TMEM131: variants seen among roughly 807,000 people sequenced by gnomAD.
TMEM131 encodes the protein 2610524E03Rik.
TMEM131 carries 66 observed loss-of-function variants against 211.6 expected under a neutral mutation model. That is an observed-to-expected ratio of 0.31 (90% CI 0.26 to 0.38). The LOEUF is 0.38. Ranked by LOEUF, TMEM131 falls within the 10% of genes least tolerant of loss-of-function variation. The probability of loss-of-function intolerance (pLI) is 1.00; values close to 1 mark genes in which losing one functional copy is unlikely to be tolerated. For missense variants in TMEM131, 2,036 were observed against 2,299.3 expected, an observed-to-expected ratio of 0.89 and a Z score of 2.34; for synonymous variants, 844 against 841.3, an observed-to-expected ratio of 1.00 and a Z score of -0.06.
At chr2:97,987,933 T>A in intron 1 of TMEM131, among the ~76,000 whole-genome samples, 1 of 152,018 alleles carries the variant, frequency 6.6e-6, no homozygotes, top group Non-Finnish European at 1.5e-5. Context: ...AATCCCAAAA[T>A]CCCAAGGCAA....
At chr2:97,984,805 G>A (rs560029960) in intron 1 of TMEM131, among the ~76,000 whole-genome samples, 36 of 151,940 alleles carry the variant, frequency 2.4e-4, no homozygotes, top group African/African-American at 8.7e-4. Flanking sequence ...AAGAGTTTTA[G>A]TTAAAAACAA....
chr2:97,766,356 C>A, intron 34 of TMEM131, 93 bp from the exon 35 acceptor site: 1 of 1,596,804 alleles, frequency 6.3e-7, no homozygotes, highest in South Asian at 1.1e-5. Flanking sequence ...GACAAGAACA[C>A]AGCCTTAGCC....
intron 31 of TMEM131, 136 bp from the exon 32 acceptor site, chr2:97,776,154 C>T (rs2104819269): frequency 5.0e-6 from 4 of 803,500 alleles, no homozygotes; most frequent in Middle Eastern, 7.7e-4. Context: ...CCCGGGTTCA[C>T]ACCATTCTCC....
rs1469186108 is a variant in TMEM131 at position 97,757,214 on chromosome 2, G to A, written c.5537C>T (p.Ser1846Phe). 1 of 1,614,052 alleles carries A rather than the reference G, an allele frequency of 6.2e-7. No individual in the cohort carries two copies. Among genetic ancestry groups the A allele is most frequent in the Admixed American group, 1.7e-5 (1 of 60,030 alleles). The change falls in exon 41 of 41, where the codon TCC becomes TTC. Residue 1846 changes from serine (S) to phenylalanine (F), a missense_variant. Transcript: ENST00000186436. ...NSPAPHAPST[S>F]SPADDLGQTY... Reference sequence around the variant, plus strand: ...CTGTCCCAAGTCGTCAGCTGGACTGGAGGTGGAGGGAGCGTGAGGAGCAGG... The same window carrying A: ...CTGTCCCAAGTCGTCAGCTGGACTGAAGGTGGAGGGAGCGTGAGGAGCAGG...
At chr2:97,990,373 G>C (rs1248730576) in intron 1 of TMEM131, among the ~76,000 whole-genome samples, 1 of 151,724 alleles carries the variant, frequency 6.6e-6, no homozygotes, top group Non-Finnish European at 1.5e-5. Flanking sequence ...TGCATGAACT[G>C]TCAAGTCTGT....
intron 8 of TMEM131, 63 bp downstream of exon 8, chr2:97,837,014 T>C (rs2105077514): frequency 7.5e-7 from 1 of 1,340,728 alleles, no homozygotes; most frequent in Non-Finnish European, 1.1e-6. Context: ...TTAAATATTT[T>C]CTAATTTAAG....
chr2:97,881,362 A>C (rs191608710), intron 4 of TMEM131, among the ~76,000 whole-genome samples: 74 of 151,718 alleles, frequency 4.9e-4, no homozygotes, highest in African/African-American at 1.5e-3. Flanking sequence ...GCACACCACC[A>C]TGCCCAGCTA....
chr2:97,981,376 T>C (rs182300104), intron 1 of TMEM131, among the ~76,000 whole-genome samples: 1 of 152,278 alleles, frequency 6.6e-6, no homozygotes, highest in East Asian at 1.9e-4. Flanking sequence ...AACCGTAACA[T>C]ATATGTAATT....
chr2:97,797,646 C>T (rs1680829618), intron 25 of TMEM131, 130 bp from the exon 26 acceptor site: 2 of 748,946 alleles, frequency 2.7e-6, no homozygotes, highest in Non-Finnish European at 4.1e-6. Flanking sequence ...TTTTATCTGT[C>T]ATGTTTAGAT....
chr2:97,843,605 G>T (rs1335965365), intron 6 of TMEM131, among the ~76,000 whole-genome samples: 1 of 152,166 alleles, frequency 6.6e-6, no homozygotes, highest in Non-Finnish European at 1.5e-5. Flanking sequence ...CTCCCAAAGT[G>T]CTGGGATTAC....
intron 3 of TMEM131, among the ~76,000 whole-genome samples, chr2:97,905,989 C>T (rs1265884652): frequency 6.6e-6 from 1 of 152,168 alleles, no homozygotes; most frequent in Non-Finnish European, 1.5e-5. Flanking sequence ...GATGAAATGA[C>T]AAAATGCAAT....
chr2:97,960,404 G>GT (rs1338169185), intron 1 of TMEM131, among the ~76,000 whole-genome samples: 2 of 151,764 alleles, frequency 1.3e-5, no homozygotes, highest in African/African-American at 4.8e-5. Context: ...CAATATAACT[G>GT]ATTACTTTTT....
intron 11 of TMEM131, among the ~76,000 whole-genome samples, chr2:97,820,862 A>T (rs868632278): frequency 6.6e-6 from 1 of 152,176 alleles, no homozygotes; most frequent in African/African-American, 2.4e-5. Flanking sequence ...TCTAAAAAAA[A>T]AAAAAAGCAG....
chr2:97,957,766 T>C (rs1678637400), intron 1 of TMEM131, among the ~76,000 whole-genome samples: 2 of 152,134 alleles, frequency 1.3e-5, no homozygotes, highest in East Asian at 1.9e-4. Context: ...TGACAAATAA[T>C]GAAAGTTTCA....
chr2:97,841,423 A>C (rs1683186505), intron 7 of TMEM131, among the ~76,000 whole-genome samples: 1 of 152,236 alleles, frequency 6.6e-6, no homozygotes, highest in Non-Finnish European at 1.5e-5. Flanking sequence ...ATCACCAAAA[A>C]TTTATTATTT....
At chr2:97,820,491 A>G (rs1356953820) in intron 11 of TMEM131, among the ~76,000 whole-genome samples, 3 of 152,188 alleles carry the variant, frequency 2.0e-5, no homozygotes, top group Admixed American at 2.0e-4. Context: ...TTTATGCAAT[A>G]AAAGGATGTT....
intron 31 of TMEM131, among the ~76,000 whole-genome samples, chr2:97,781,227 T>C (rs1458736657): frequency 6.6e-6 from 1 of 152,180 alleles, no homozygotes; most frequent in Non-Finnish European, 1.5e-5. Flanking sequence ...CCCCAGTGCC[T>C]TGCACAGCGC....
At chr2:97,857,791 A>ACAGG in intron 5 of TMEM131, among the ~76,000 whole-genome samples, 1 of 152,322 alleles carries the variant, frequency 6.6e-6, no homozygotes, top group Non-Finnish European at 1.5e-5. Context: ...CATGACTGGA[A>ACAGG]CAGGCCTCTC....
At chr2:97,802,402 C>T in intron 24 of TMEM131, 26 bp downstream of exon 24, 1 of 1,499,806 alleles carries the variant, frequency 6.7e-7, no homozygotes, top group Non-Finnish European at 9.1e-7. Flanking sequence ...CATAGAAACA[C>T]TGTGATGATC....
Sources: gnomAD v4.1 joint callset for allele counts (sites outside exome capture counted in the v4.1 genomes callset) on GRCh38, gnomAD v4.1.1 for gene constraint, MANE v1.5 for transcripts, NCBI Gene and HGNC (gene_info 2026-07-23, HGNC 2026-07-21) for gene names.